The following UGGT1 variants were observed in gnomAD, a reference collection of about 807,000 sequenced individuals.
The protein encoded by UGGT1 is UDP-glucose glycoprotein glucosyltransferase 1.
UGGT1 carries 107 observed loss-of-function variants against 203.9 expected under a neutral mutation model. The ratio of observed to expected loss-of-function variants is 0.52; its 90% confidence interval spans 0.45 to 0.62. The LOEUF is 0.62. Ranked by LOEUF, UGGT1 falls within the 20% of genes least tolerant of loss-of-function variation. UGGT1 has a pLI of 0.00. For synonymous variants in UGGT1, 628 were observed against 653.5 expected (o/e 0.96, Z 0.59); for missense variants, 1,673 against 1,867.2 (o/e 0.90, Z 1.92).
In UGGT1 at chr2:128,195,265, CCTTA is replaced by C. The variant is rs1438498821; in HGVS notation, c.*5527_*5530del. 2 of 152,208 alleles carry C rather than the reference CCTTA, an allele frequency of 1.3e-5. No homozygotes were observed. The highest frequency in any genetic ancestry group is 1.9e-4 in the East Asian group (1 of 5,200). 9.4% of individuals were successfully genotyped at this position (152,208 alleles called of 1,614,324 possible). On this transcript the variant is annotated 3_prime_UTR_variant, in exon 41 of 41. Coordinates refer to ENST00000259253, the MANE Select transcript of UGGT1 (RefSeq NM_020120.4). ...GGACAGGAATGTATTGTATGCCTTG[CCTTA>C]CTTGTCACCATTGAGATTTCCAGAG...
At chr2:128,134,583 A>G (rs1398326033) in intron 14 of UGGT1, among the ~76,000 whole-genome samples, 1 of 152,218 alleles carries the variant, frequency 6.6e-6, no homozygotes, top group Non-Finnish European at 1.5e-5. Flanking sequence ...TTAAGGTGAG[A>G]GAGTTGCTAA....
chr2:128,170,224 G>A, intron 26 of UGGT1, 64 bp from the exon 27 acceptor site: 1 of 1,402,996 alleles, frequency 7.1e-7, no homozygotes, highest in East Asian at 2.3e-5. Context: ...AGGTTATATT[G>A]TACAAAAAAA....
At chr2:128,130,923 A>C (rs1214821741) in intron 13 of UGGT1, among the ~76,000 whole-genome samples, 1 of 151,546 alleles carries the variant, frequency 6.6e-6, no homozygotes, top group African/African-American at 2.4e-5. Flanking sequence ...ACCTTACCTG[A>C]CTCCTATTTA....
chr2:128,099,687 A>G (rs1321878559), intron 2 of UGGT1, among the ~76,000 whole-genome samples: 1 of 152,204 alleles, frequency 6.6e-6, no homozygotes, highest in Non-Finnish European at 1.5e-5. Flanking sequence ...CTTTCTCAGC[A>G]TAGAAGTGGC....
chr2:128,163,441 C>T (rs1303782109), intron 25 of UGGT1, among the ~76,000 whole-genome samples: 1 of 142,568 alleles, frequency 7.0e-6, no homozygotes, highest in African/African-American at 2.6e-5. Flanking sequence ...TTAGGCTGGG[C>T]GTGGTGGCTC....
intron 12 of UGGT1, among the ~76,000 whole-genome samples, chr2:128,127,714 C>T (rs1378561807): frequency 6.6e-6 from 1 of 152,112 alleles, no homozygotes; most frequent in Non-Finnish European, 1.5e-5. Context: ...TCCACTTAAC[C>T]ATGGGAACAT....
rs1558824174 is a variant in UGGT1 at position 128,178,497 on chromosome 2, T to C, written c.3743T>C (p.Val1248Ala). The change falls in exon 34 of 41, where the codon GTG becomes GCG. Residue 1248 changes from valine (V) to alanine (A), a missense_variant. Around this residue, in one of 4 missense-constraint regions of UGGT1, gnomAD observed 513 missense variants for 684.1 expected, o/e 0.75. Coordinates refer to ENST00000259253, the MANE Select transcript of UGGT1 (RefSeq NM_020120.4). ...TTTACAGGACAGAAGACTGAGGAAG[T>C]GAAGCAAGATAAAGATGACATAATT... ...WGFTGQKTEE[V>A]KQDKDDIINI... The C allele has an allele frequency of 6.2e-7, 1 of 1,613,910 alleles. No homozygotes were observed. Among genetic ancestry groups the C allele is most frequent in the East Asian group, 2.2e-5 (1 of 44,880 alleles).
At chr2:128,123,885 CT>C (rs765416437) in intron 11 of UGGT1, among the ~76,000 whole-genome samples, 4 of 152,144 alleles carry the variant, frequency 2.6e-5, no homozygotes, top group African/African-American at 9.7e-5. Context: ...GCTCATCATT[CT>C]TTGTGAGAAA....
At chr2:128,118,488 A>G (rs1385221917) in intron 8 of UGGT1, among the ~76,000 whole-genome samples, 2 of 152,122 alleles carry the variant, frequency 1.3e-5, no homozygotes, top group African/African-American at 4.8e-5. Flanking sequence ...CTGGTCTTGA[A>G]CTTTGGGTTC....
chr2:128,108,953 A>C (rs990669541), intron 4 of UGGT1, among the ~76,000 whole-genome samples: 1 of 152,098 alleles, frequency 6.6e-6, no homozygotes, highest in Non-Finnish European at 1.5e-5. Flanking sequence ...CCTGTCACCC[A>C]GGCTGGAGTG....
At chr2:128,180,597 T>C (rs1691643122) in intron 35 of UGGT1, among the ~76,000 whole-genome samples, 1 of 152,214 alleles carries the variant, frequency 6.6e-6, no homozygotes, top group Non-Finnish European at 1.5e-5. Flanking sequence ...CAAATGGACT[T>C]AAAGTTCATG....
At chr2:128,132,238 T>C (rs1688914293) in intron 13 of UGGT1, among the ~76,000 whole-genome samples, 1 of 152,002 alleles carries the variant, frequency 6.6e-6, no homozygotes, top group South Asian at 2.1e-4. Context: ...TTACATTTTC[T>C]TTTTTCCTTT....
chr2:128,098,915 C>A (rs1033044940), intron 2 of UGGT1, among the ~76,000 whole-genome samples: 1 of 151,916 alleles, frequency 6.6e-6, no homozygotes, highest in Non-Finnish European at 1.5e-5. Context: ...AATGAGATAC[C>A]TGTCTGTATA....
rs751055878 is a variant in UGGT1, at chr2:128,123,232, G to A, written c.1120G>A (p.Glu374Lys). 1.9e-6 allele frequency: 3 copies of A among 1,613,404 alleles called. No individual in the cohort carries two copies. In the Admixed American group the frequency reaches 5.0e-5, roughly 27 times the overall value. ...AVSSELRTEV[E>K]ENQKYFKGTL... The stretch of plus-strand genomic sequence containing the variant: ...GAGCTCAGAACTTAGAACCGAAGTG[G>A]AAGAGAATCAGAAGGTATTCACCGA... The change falls in exon 11 of 41, where the codon GAA (glutamate) becomes AAA (lysine). Residue 374 changes from glutamate (E) to lysine (K), a missense_variant. By Grantham distance (56) the Glu-to-Lys change is moderately conservative (BLOSUM62 1). Transcript: ENST00000259253.
intron 18 of UGGT1, among the ~76,000 whole-genome samples, chr2:128,148,143 C>T (rs889053504): frequency 8.6e-5 from 13 of 152,038 alleles, no homozygotes; most frequent in African/African-American, 3.1e-4. Flanking sequence ...CTCACTGCAA[C>T]CTCCGCCTCC....
intron 28 of UGGT1, among the ~76,000 whole-genome samples, chr2:128,171,603 G>C (rs1322623879): frequency 6.6e-6 from 1 of 152,166 alleles, no homozygotes; most frequent in Admixed American, 6.5e-5. Context: ...TGCCTCCCGG[G>C]TTCAAGGGAT....
intron 21 of UGGT1, among the ~76,000 whole-genome samples, 189 bp from the exon 22 acceptor site, chr2:128,157,063 C>T (rs1690271453): frequency 6.6e-6 from 1 of 152,192 alleles, no homozygotes; most frequent in Admixed American, 6.5e-5. Flanking sequence ...TAACTAAACT[C>T]TGTGGAAGAT....
chr2:128,158,541 T>C (rs910987683), intron 22 of UGGT1, among the ~76,000 whole-genome samples: 2 of 152,254 alleles, frequency 1.3e-5, no homozygotes, highest in Non-Finnish European at 2.9e-5. Flanking sequence ...AGTAGGGGTA[T>C]AGAGTCCTTT....
intron 27 of UGGT1, among the ~76,000 whole-genome samples, chr2:128,170,689 T>C (rs923613707): frequency 6.6e-6 from 1 of 152,248 alleles, no homozygotes; most frequent in Admixed American, 6.5e-5. Flanking sequence ...ATTTATAATA[T>C]CAGAGATAAA....
Sources: allele counts gnomAD v4.1 joint callset (sites outside exome capture counted in the v4.1 genomes callset), GRCh38; gene constraint gnomAD v4.1.1; regional missense constraint gnomAD v4.1.1; transcripts MANE v1.5; gene names NCBI Gene and HGNC (gene_info 2026-07-23, HGNC 2026-07-21).